The following HEXA variants were observed in gnomAD, a reference collection of about 807,000 sequenced individuals.
HEXA encodes the protein beta-hexosaminidase subunit alpha.
HEXA carries 54 observed loss-of-function variants against 73.3 expected under a neutral mutation model. That is an observed-to-expected ratio of 0.74 (90% confidence interval 0.59 to 0.92). HEXA has a LOEUF of 0.92. Ranked by LOEUF, HEXA falls within the 40% of genes least tolerant of loss-of-function variation. The probability of loss-of-function intolerance (pLI) is 0.00; values close to 1 mark genes in which losing one functional copy is unlikely to be tolerated. For missense variants in HEXA, 649 were observed against 653.0 expected (o/e 0.99, Z 0.07); for synonymous variants, 230 against 246.9 (o/e 0.93, Z 0.64).
intron 1 of HEXA, among the ~76,000 whole-genome samples, chr15:72,370,911 C>T (rs2140340253): frequency 6.6e-6 from 1 of 152,276 alleles, no homozygotes; most frequent in South Asian, 2.1e-4. Flanking sequence ...CCTCGTTCTC[C>T]AGAAACCCCT....
At chr15:72,346,775 A>G in intron 10 of HEXA, 65 bp from the exon 11 acceptor site, 1 of 1,452,228 alleles carries the variant, frequency 6.9e-7, no homozygotes, top group African/African-American at 1.4e-5. Context: ...CCTTATTCAT[A>G]CACAGGCAAC....
chr15:72,362,627 A>C (rs938220644), intron 1 of HEXA, among the ~76,000 whole-genome samples: 2 of 152,336 alleles, frequency 1.3e-5, no homozygotes, highest in Middle Eastern at 6.8e-3. Flanking sequence ...GATGCTAAGA[A>C]GACGCCCAGA....
chr15:72,359,726 T>C (rs1423241080), intron 1 of HEXA: 2 of 97,226 alleles, frequency 2.1e-5, no homozygotes, highest in Admixed American at 2.1e-4. Flanking sequence ...AAAAGAGTAG[T>C]ACATACTGGT....
chr15:72,371,609 AAAAAG>A (rs1567306513), intron 1 of HEXA, among the ~76,000 whole-genome samples: 1 of 151,966 alleles, frequency 6.6e-6, no homozygotes, highest in African/African-American at 2.4e-5. Flanking sequence ...AAAAAAAAAA[AAAAAG>A]AAAACAAAAC....
chr15:72,354,004 A>T (rs1222806210), intron 3 of HEXA: 2 of 558,358 alleles, frequency 3.6e-6, no homozygotes, highest in Non-Finnish European at 6.4e-6. Context: ...AAACCCACAT[A>T]CCTCTTATCT....
At chr15:72,347,549 G>A (rs899682782) in intron 10 of HEXA, 137 bp downstream of exon 10, 8 of 758,070 alleles carry the variant, frequency 1.1e-5, no homozygotes, top group Non-Finnish European at 1.9e-5. Context: ...GGCCTTTCTA[G>A]AGAGAAAAGG....
chr15:72,348,031 C>A lies in HEXA; in HGVS notation c.1073+17G>T, dbSNP rs1277432109. Reference sequence around the variant, plus strand: ...AGGACCCCCAAGGGACCCCACCCACCCTCCTTCCTTCCTCACGTCTGGATG... The same window carrying A: ...AGGACCCCCAAGGGACCCCACCCACACTCCTTCCTTCCTCACGTCTGGATG... On this transcript the variant is annotated intron_variant, in intron 9 of 13. Coordinates refer to ENST00000268097, the MANE Select transcript of HEXA (RefSeq NM_000520.6). The A allele has an allele frequency of 1.3e-6, 2 of 1,583,254 alleles. No homozygotes were observed. The highest frequency in any genetic ancestry group is 1.7e-6 in the Non-Finnish European group (2 of 1,152,486).
chr15:72,353,095 C>G lies in HEXA; in HGVS notation c.543G>C (p.Leu181=). The G allele has an allele frequency of 3.1e-6, 5 of 1,612,382 alleles. No homozygotes were observed. The highest frequency in any genetic ancestry group is 4.2e-6 in the Non-Finnish European group (5 of 1,178,478). The change falls in exon 5 of 14, where the codon CTG becomes CTC. Residue 181 remains leucine, a synonymous_variant. Coordinates refer to ENST00000268097, the MANE Select transcript of HEXA (RefSeq NM_000520.6). ...GLLLDTSRHY[L]PLSSILDTLD... Reference sequence around the variant, plus strand: ...GAGTGTCCAGGATGCTAGAGAGTGGCAGGTAATGGCGAGATGTATCCAACA... The same window carrying G: ...GAGTGTCCAGGATGCTAGAGAGTGGGAGGTAATGGCGAGATGTATCCAACA...
chr15:72,348,229 T>C (rs2088645145), intron 8 of HEXA, 95 bp from the exon 9 acceptor site: 3 of 834,950 alleles, frequency 3.6e-6, no homozygotes, highest in Admixed American at 1.9e-5. Flanking sequence ...CTTCCTCTTT[T>C]CACCTGAAAA....
intron 3 of HEXA, chr15:72,355,307 C>G (rs2088760509): frequency 6.0e-6 from 3 of 498,818 alleles, no homozygotes; most frequent in Non-Finnish European, 1.1e-5. Flanking sequence ...GGGTGGATCA[C>G]TTGAACTCAG....
At chr15:72,354,353 T>C (rs1426639277) in intron 3 of HEXA, 1 of 154,162 alleles carries the variant, frequency 6.5e-6, no homozygotes, top group Non-Finnish European at 1.4e-5. Context: ...ACTGACACTG[T>C]CTCCTAGAGT....
chr15:72,369,618 A>G (rs1595812224), intron 1 of HEXA, among the ~76,000 whole-genome samples: 1 of 151,696 alleles, frequency 6.6e-6, no homozygotes, highest in African/African-American at 2.4e-5. Flanking sequence ...GCTAACTGCA[A>G]CCTCCACCTC....
chr15:72,353,973 C>T, intron 3 of HEXA: 2 of 599,454 alleles, frequency 3.3e-6, no homozygotes, highest in Non-Finnish European at 6.0e-6. Flanking sequence ...AGTGCCCTTC[C>T]TTACAACATA....
intron 11 of HEXA, 27 bp from the exon 12 acceptor site, chr15:72,346,352 T>C: frequency 6.3e-7 from 1 of 1,589,352 alleles, no homozygotes; most frequent in Non-Finnish European, 8.6e-7. Context: ...AACAACAGTC[T>C]GGTGATGGTG....
At chr15:72,368,990 C>CAA (rs2088952412) in intron 1 of HEXA, among the ~76,000 whole-genome samples, 1 of 152,220 alleles carries the variant, frequency 6.6e-6, no homozygotes, top group South Asian at 2.1e-4. Context: ...TGACAGCTGA[C>CAA]AAACACCCAT....
At chr15:72,353,988 C>A (rs939077463) in intron 3 of HEXA, 5 of 581,232 alleles carry the variant, frequency 8.6e-6, no homozygotes, top group African/African-American at 7.5e-5. Context: ...AACATACTAA[C>A]CTTCAAAACC....
chr15:72,346,430 T>G (rs2088614788), intron 11 of HEXA, 97 bp downstream of exon 11: 1 of 1,516,184 alleles, frequency 6.6e-7, no homozygotes, highest in South Asian at 1.1e-5. Context: ...GTTGTTTCAT[T>G]TACTAACTGG....
rs756010672 is a variant in HEXA at position 72,351,208 on chromosome 15, G to A, written c.597C>T (p.Asn199=). Residue 199 remains asparagine (N), a synonymous_variant, in exon 6 of 14, where the codon AAC becomes AAT. Transcript: ENST00000268097. The part of the protein sequence containing the change: ...TLDVMAYNKL[N]VFHWHLVDDP... ...CATCTACCAGATGCCAGTGGAACACGTTCAATTTATTGTACGCCATGACAT... is the reference window on the plus strand; with the variant it reads ...CATCTACCAGATGCCAGTGGAACACATTCAATTTATTGTACGCCATGACAT... 2.2e-5 allele frequency: 36 copies of A among 1,611,198 alleles called. No homozygotes were observed. Among genetic ancestry groups the A allele is most frequent in the Non-Finnish European group, 2.7e-5 (32 of 1,177,482 alleles).
chr15:72,348,034 C>A lies in HEXA; in HGVS notation c.1073+14G>T. 1 of 1,581,798 alleles carries A rather than the reference C, an allele frequency of 6.3e-7. No homozygotes were observed. Among genetic ancestry groups the A allele is most frequent in the Non-Finnish European group, 8.7e-7 (1 of 1,150,930 alleles). Reference sequence around the variant, plus strand: ...ACCCCCAAGGGACCCCACCCACCCTCCTTCCTTCCTCACGTCTGGATGTAG... The same window carrying A: ...ACCCCCAAGGGACCCCACCCACCCTACTTCCTTCCTCACGTCTGGATGTAG... On this transcript the variant is annotated intron_variant, in intron 9 of 13. Coordinates refer to ENST00000268097, the MANE Select transcript of HEXA (RefSeq NM_000520.6).
Sources: gnomAD v4.1 joint callset for allele counts (sites outside exome capture counted in the v4.1 genomes callset) on GRCh38, gnomAD v4.1.1 for gene constraint, MANE v1.5 for transcripts, NCBI Gene and HGNC (gene_info 2026-07-23, HGNC 2026-07-21) for gene names.